The following KCNT2 variants were observed in gnomAD, a reference collection of about 807,000 sequenced individuals.
KCNT2 encodes potassium sodium-activated channel subfamily T member 2, also known as potassium channel subfamily T member 2.
Under a neutral mutation model 153.8 loss-of-function variants are expected in KCNT2, and 67 were observed. That is an observed-to-expected ratio of 0.44 (90% CI 0.36 to 0.53). KCNT2 has a LOEUF of 0.53. KCNT2 is among the 20% of genes least tolerant of loss of function. KCNT2 has a pLI of 0.00. For synonymous variants in KCNT2, 500 were observed against 458.8 expected (o/e 1.09, Z -1.15); for missense variants, 975 against 1,354.8 (o/e 0.72, Z 4.40).
intron 13 of KCNT2, among the ~76,000 whole-genome samples, chr1:196,395,943 T>C (rs1252920747): frequency 1.3e-5 from 2 of 151,660 alleles, no homozygotes; most frequent in East Asian, 3.9e-4. Flanking sequence ...ATCATAAATA[T>C]TGTCAAGTAA....
intron 20 of KCNT2, 92 bp from the exon 21 acceptor site, chr1:196,316,118 A>G (rs1301333133): frequency 8.5e-7 from 1 of 1,179,690 alleles, no homozygotes; most frequent in African/African-American, 1.6e-5. Flanking sequence ...CTGTGCTTAT[A>G]TAAGTTGCCT....
At chr1:196,418,385 G>GTATGC (rs2148506005) in intron 12 of KCNT2, among the ~76,000 whole-genome samples, 1 of 152,158 alleles carries the variant, frequency 6.6e-6, no homozygotes, top group African/African-American at 2.4e-5. Flanking sequence ...GCCAGGCATG[G>GTATGC]TACCCAGAAG....
At chr1:196,415,753 C>T (rs1323237921) in intron 12 of KCNT2, among the ~76,000 whole-genome samples, 19 of 151,844 alleles carry the variant, frequency 1.3e-4, no homozygotes, top group Admixed American at 1.3e-3. Flanking sequence ...CACTCATGAA[C>T]ATGAGTTTTT....
chr1:196,541,159 T>C (rs893396457), intron 1 of KCNT2, among the ~76,000 whole-genome samples: 3 of 151,572 alleles, frequency 2.0e-5, no homozygotes, highest in Admixed American at 1.3e-4. Flanking sequence ...GCATCTAATA[T>C]CTAATTATCA....
chr1:196,375,832 T>C (rs1440002459), intron 13 of KCNT2, among the ~76,000 whole-genome samples: 1 of 151,834 alleles, frequency 6.6e-6, no homozygotes, highest in Non-Finnish European at 1.5e-5. Flanking sequence ...AAGCCTTTGT[T>C]AGAACAAATG....
intron 12 of KCNT2, among the ~76,000 whole-genome samples, chr1:196,421,550 T>C (rs1673202064): frequency 6.6e-6 from 1 of 152,034 alleles, no homozygotes; most frequent in South Asian, 2.1e-4. Context: ...ACGATTAAAG[T>C]AGTGCTTAAA....
intron 1 of KCNT2, among the ~76,000 whole-genome samples, chr1:196,494,540 A>G (rs2148741572): frequency 6.6e-6 from 1 of 152,146 alleles, no homozygotes; most frequent in African/African-American, 2.4e-5. Context: ...CCGGGACTAC[A>G]GGCGCCAGCC....
intron 22 of KCNT2, among the ~76,000 whole-genome samples, chr1:196,304,328 T>A (rs12031391): frequency 6.6e-6 from 1 of 152,302 alleles, no homozygotes; most frequent in Admixed American, 6.5e-5. Context: ...TATATTGTTA[T>A]AAGAAATGAA....
At chr1:196,437,230 TTATATA>T (rs1270820714) in intron 8 of KCNT2, among the ~76,000 whole-genome samples, 1 of 116,778 alleles carries the variant, frequency 8.6e-6, no homozygotes, top group Non-Finnish European at 1.7e-5. Context: ...TTAAGAAAGC[TTATATA>T]TATATATATT....
intron 1 of KCNT2, among the ~76,000 whole-genome samples, chr1:196,604,808 A>G (rs937303958): frequency 6.6e-6 from 1 of 152,042 alleles, no homozygotes; most frequent in African/African-American, 2.4e-5. Flanking sequence ...TATAATACAT[A>G]TATTACAAAA....
chr1:196,405,479 T>A (rs1671752936), intron 12 of KCNT2, among the ~76,000 whole-genome samples: 2 of 151,510 alleles, frequency 1.3e-5, no homozygotes. Flanking sequence ...TATTTGTTGT[T>A]CTAAGGACTT....
intron 26 of KCNT2, 126 bp downstream of exon 26, chr1:196,258,068 C>G: frequency 6.9e-7 from 1 of 1,446,184 alleles, no homozygotes; most frequent in Non-Finnish European, 9.1e-7. Context: ...TCAGATGTAT[C>G]ACTAGTTTCT....
intron 14 of KCNT2, among the ~76,000 whole-genome samples, chr1:196,352,252 A>G (rs1168354788): frequency 3.3e-5 from 5 of 151,338 alleles, no homozygotes; most frequent in Admixed American, 2.0e-4. Context: ...CTCTTTTTCT[A>G]TTGATTGGAA....
chr1:196,229,660 T>A (rs1468898326), intron 27 of KCNT2, among the ~76,000 whole-genome samples: 3 of 152,030 alleles, frequency 2.0e-5, no homozygotes, highest in Admixed American at 1.3e-4. Flanking sequence ...AGCCAAGTTG[T>A]GAATGCAAAG....
intron 7 of KCNT2, among the ~76,000 whole-genome samples, chr1:196,466,459 T>G (rs1408336391): frequency 2.0e-5 from 3 of 152,032 alleles, no homozygotes; most frequent in Non-Finnish European, 4.4e-5. Context: ...GTTATCCAAA[T>G]ATTCCTTTAG....
chr1:196,255,276 C>T lies in KCNT2; in HGVS notation c.3211+2918G>A, dbSNP rs1025113762. On this transcript the variant is annotated intron_variant, in intron 26 of 27. Transcript: ENST00000294725. Reference sequence around the variant, plus strand: ...ACAATTATAACTAACACATCATACCCCTGGGAAATACTTTATTATCTTCAT... The same window carrying T: ...ACAATTATAACTAACACATCATACCTCTGGGAAATACTTTATTATCTTCAT... 4.0e-5 allele frequency among the ~76,000 whole-genome samples: 6 copies of T among 151,634 alleles called. No individual in the cohort carries two copies. The East Asian group carries it at 9.6e-4, about 24-fold the overall frequency.
rs967284189 is a variant in KCNT2, at chr1:196,360,636, G to C, written c.1403+12504C>G. On this transcript the variant is annotated intron_variant, in intron 14 of 27. Transcript: ENST00000294725. ...TACAATCTGACTGGTGTCTTCCGAA[G>C]AAGAGGAAATTTGAACACACAAAAG... Among the ~76,000 whole-genome samples the C allele has an allele frequency of 1.9e-4, 29 of 151,642 alleles. 1 individual carries two copies. Among genetic ancestry groups the C allele is most frequent in the African/African-American group, 2.4e-5 (1 of 41,022 alleles).
chr1:196,352,887 T>G (rs906911779), intron 14 of KCNT2, among the ~76,000 whole-genome samples: 1 of 152,074 alleles, frequency 6.6e-6, no homozygotes, highest in Non-Finnish European at 1.5e-5. Context: ...ATGTGTCCCA[T>G]AGATTCTGGT....
chr1:196,493,927 T>C (rs1680050566), intron 1 of KCNT2, among the ~76,000 whole-genome samples: 1 of 152,238 alleles, frequency 6.6e-6, no homozygotes, highest in Non-Finnish European at 1.5e-5. Context: ...AAGATTCTCT[T>C]TAGTTAATAC....
Sources: gnomAD v4.1 joint callset for allele counts (sites outside exome capture counted in the v4.1 genomes callset) on GRCh38, gnomAD v4.1.1 for gene constraint, MANE v1.5 for transcripts, NCBI Gene and HGNC (gene_info 2026-07-23, HGNC 2026-07-21) for gene names.